NPAS3: variants seen among roughly 807,000 people sequenced by gnomAD.
NPAS3 encodes the protein neuronal PAS domain protein 3.
Under a neutral mutation model 73.1 loss-of-function variants are expected in NPAS3, and 14 were observed. The ratio of observed to expected loss-of-function variants is 0.19; its 90% CI spans 0.13 to 0.30. The LOEUF (loss-of-function observed/expected upper bound fraction) is 0.30, where lower values mean the gene tolerates loss of function less well. Among genes scored for constraint, NPAS3 ranks in the 10% least tolerant of loss-of-function variants. The pLI is 1.00. For synonymous variants in NPAS3, 620 were observed against 541.5 expected, an observed-to-expected ratio of 1.14 and a Z score of -2.01; for missense variants, 1,096 against 1,250.0, an observed-to-expected ratio of 0.88 and a Z score of 1.86.
chr14:33,464,098 C>A (rs536654229), intron 4 of NPAS3, among the ~76,000 whole-genome samples: 1 of 152,098 alleles, frequency 6.6e-6, no homozygotes. Context: ...CATGATATCC[C>A]AAAACAGTTA....
At chr14:33,708,414 G>T (rs1446168408) in intron 6 of NPAS3, among the ~76,000 whole-genome samples, 1 of 152,132 alleles carries the variant, frequency 6.6e-6, no homozygotes, top group East Asian at 1.9e-4. Flanking sequence ...CCTTGCAAGA[G>T]GCTATTGAGC....
chr14:33,541,236 T>C lies in NPAS3; in HGVS notation c.469-18885T>C, dbSNP rs2054503995. On this transcript the variant is annotated intron_variant, in intron 4 of 11. Coordinates refer to ENST00000356141, the Ensembl canonical transcript of NPAS3. ...TGCTGCAAAGGAAGTTACTTGTTCA[T>C]GCATAGTAAATTATGCACCTTTTAG... Among the ~76,000 whole-genome samples the C allele has an allele frequency of 2.0e-5, 3 of 152,306 alleles. No homozygotes were observed. In the South Asian group the frequency reaches 6.2e-4, roughly 32 times the overall value.
intron 5 of NPAS3, among the ~76,000 whole-genome samples, chr14:33,674,846 G>A (rs1452025139): frequency 6.6e-6 from 1 of 152,218 alleles, no homozygotes; most frequent in Non-Finnish European, 1.5e-5. Context: ...CTGTTAAGAT[G>A]TTAATCAAAT....
intron 2 of NPAS3, among the ~76,000 whole-genome samples, chr14:33,180,528 G>A (rs748547073): frequency 3.3e-5 from 5 of 152,134 alleles, no homozygotes; most frequent in Admixed American, 6.5e-5. Context: ...GGCTGGGCAC[G>A]GTGGCTCAGA....
chr14:33,740,491 T>G (rs80342820), intron 7 of NPAS3, among the ~76,000 whole-genome samples: 2 of 152,216 alleles, frequency 1.3e-5, no homozygotes, highest in Non-Finnish European at 2.9e-5. Flanking sequence ...GATATACCAA[T>G]GAAAACTGTT....
intron 4 of NPAS3, among the ~76,000 whole-genome samples, chr14:33,524,001 A>G (rs1002984253): frequency 1.3e-5 from 2 of 152,186 alleles, no homozygotes; most frequent in Admixed American, 6.5e-5. Context: ...CTAGGCATAT[A>G]ATAGCCAAAA....
chr14:33,233,619 A>G (rs1045630838), intron 3 of NPAS3, among the ~76,000 whole-genome samples: 1 of 152,140 alleles, frequency 6.6e-6, no homozygotes, highest in Middle Eastern at 3.2e-3. Context: ...TGAGTTAATT[A>G]TTCTTCTGTA....
chr14:33,406,394 C>T (rs553152349), intron 4 of NPAS3, among the ~76,000 whole-genome samples: 20 of 152,040 alleles, frequency 1.3e-4, no homozygotes, highest in East Asian at 1.9e-4. Context: ...AAGAAGAGTT[C>T]GCCTGCTTTG....
At chr14:33,129,122 G>C (rs1454368161) in intron 2 of NPAS3, among the ~76,000 whole-genome samples, 1 of 152,050 alleles carries the variant, frequency 6.6e-6, no homozygotes, top group Non-Finnish European at 1.5e-5. Flanking sequence ...TGGATGTGGT[G>C]GTGGAAAAGT....
intron 5 of NPAS3, among the ~76,000 whole-genome samples, chr14:33,654,793 C>T (rs1027319296): frequency 2.2e-4 from 33 of 152,108 alleles, no homozygotes; most frequent in Middle Eastern, 3.2e-3. Flanking sequence ...CAAAAAATCC[C>T]GAGTCAAGTC....
intron 2 of NPAS3, among the ~76,000 whole-genome samples, chr14:33,209,189 A>G (rs1415057489): frequency 6.6e-6 from 1 of 152,170 alleles, no homozygotes; most frequent in East Asian, 1.9e-4. Context: ...TTTGTTGTGC[A>G]TAATCCTACC....
chr14:33,730,543 A>G (rs1318745373), intron 6 of NPAS3, among the ~76,000 whole-genome samples: 1 of 152,238 alleles, frequency 6.6e-6, no homozygotes, highest in Non-Finnish European at 1.5e-5. Flanking sequence ...AAGAGAAAGC[A>G]GCACATCATG....
At chr14:33,064,449 C>T (rs781084799) in intron 2 of NPAS3, among the ~76,000 whole-genome samples, 10 of 152,122 alleles carry the variant, frequency 6.6e-5, no homozygotes, top group Admixed American at 2.0e-4. Context: ...GTCCTCTGCT[C>T]TGTAAATGGC....
In NPAS3 at chr14:33,281,112, G is replaced by A. The variant is rs558873434; in HGVS notation, c.385+65686G>A. ...TGAAGCTGGATACATTTGTCTGAGG[G>A]TTTTCTGGGAACCATTTGTTTTGTA... On this transcript the variant is annotated intron_variant, in intron 3 of 11. Transcript: ENST00000356141. 2.2e-4 allele frequency among the ~76,000 whole-genome samples: 34 copies of A among 152,096 alleles called. 1 individual carries two copies. Among genetic ancestry groups the A allele is most frequent in the Non-Finnish European group, 4.3e-4 (29 of 68,024 alleles).
intron 7 of NPAS3, among the ~76,000 whole-genome samples, chr14:33,767,175 T>C (rs1249814908): frequency 6.6e-6 from 1 of 152,060 alleles, no homozygotes. Context: ...GTGGCAAGAG[T>C]GAGACAGAAG....
chr14:32,995,956 A>G (rs1370711428), intron 1 of NPAS3, among the ~76,000 whole-genome samples: 2 of 152,236 alleles, frequency 1.3e-5, no homozygotes, highest in African/African-American at 4.8e-5. Flanking sequence ...TGGAGGGCTC[A>G]GAAGAAGACA....
At chr14:33,255,818 G>A (rs1021057905) in intron 3 of NPAS3, among the ~76,000 whole-genome samples, 3 of 152,250 alleles carry the variant, frequency 2.0e-5, no homozygotes, top group African/African-American at 7.2e-5. Flanking sequence ...ATTGAGGATT[G>A]ATGGTCGACC....
At chr14:33,207,159 T>C (rs1476678132) in intron 2 of NPAS3, among the ~76,000 whole-genome samples, 1 of 152,024 alleles carries the variant, frequency 6.6e-6, no homozygotes, top group East Asian at 1.9e-4. Context: ...ACCCAGATTC[T>C]TGTAACTTCA....
intron 2 of NPAS3, among the ~76,000 whole-genome samples, chr14:33,132,524 T>C (rs966397778): frequency 2.0e-5 from 3 of 152,040 alleles, no homozygotes; most frequent in Non-Finnish European, 4.4e-5. Context: ...GAAATTGAGA[T>C]TGATGGCTGA....
Sources: allele counts gnomAD v4.1 joint callset (sites outside exome capture counted in the v4.1 genomes callset), GRCh38; gene constraint gnomAD v4.1.1; transcripts MANE v1.5; gene names NCBI Gene and HGNC (gene_info 2026-07-23, HGNC 2026-07-21).